The following MANBA variants were observed in gnomAD, a reference collection of about 807,000 sequenced individuals.
MANBA encodes beta-mannosidase.
A neutral mutation model predicts 111.1 loss-of-function variants in MANBA; 83 were observed. The observed-to-expected ratio is 0.75, with a 90% CI of 0.63 to 0.90. The LOEUF is 0.90. Among genes scored for constraint, MANBA ranks in the 40% least tolerant of loss-of-function variants. The probability of loss-of-function intolerance (pLI) is 0.00; values close to 1 mark genes in which losing one functional copy is unlikely to be tolerated. For missense variants in MANBA, 1,036 were observed against 1,069.0 expected, an observed-to-expected ratio of 0.97 and a Z score of 0.43; for synonymous variants, 370 against 378.7, an observed-to-expected ratio of 0.98 and a Z score of 0.27.
intron 1 of MANBA, among the ~76,000 whole-genome samples, chr4:102,747,854 C>T (rs1723643695): frequency 1.3e-5 from 2 of 152,224 alleles, no homozygotes; most frequent in South Asian, 4.1e-4. Context: ...ACAAGACAAA[C>T]TATTTGCTTG....
At chr4:102,713,896 C>CAAAAAA (rs987115592) in intron 5 of MANBA, among the ~76,000 whole-genome samples, 3 of 68,394 alleles carry the variant, frequency 4.4e-5, no homozygotes, top group Admixed American at 1.7e-4. Context: ...AACTCCATCT[C>CAAAAAA]AAAAAAAAAA....
At position 102,632,889 on chromosome 4, in the gene MANBA, C is replaced by T. The variant is rs556429387; in HGVS notation, c.2416-608G>A. ...GTTGGCTCCATTCCTCTTAAGTAGC[C>T]GAATAGCATATGCCCAGAGTGAGGA... On this transcript the variant is annotated intron_variant, in intron 16 of 16. Coordinates refer to ENST00000647097, the MANE Select transcript of MANBA (RefSeq NM_005908.4). Among the ~76,000 whole-genome samples, 4 of 152,290 alleles carry T rather than the reference C, an allele frequency of 2.6e-5. No homozygotes were observed. The South Asian group carries it at 6.2e-4, about 24-fold the overall frequency.
chr4:102,746,944 C>T (rs983167155), intron 1 of MANBA, among the ~76,000 whole-genome samples: 6 of 145,204 alleles, frequency 4.1e-5, no homozygotes, highest in Non-Finnish European at 7.4e-5. Flanking sequence ...TGCACTCCAG[C>T]GTGGGTGACA....
intron 1 of MANBA, among the ~76,000 whole-genome samples, chr4:102,734,936 A>T (rs1232824486): frequency 6.6e-6 from 1 of 152,202 alleles, no homozygotes; most frequent in Non-Finnish European, 1.5e-5. Context: ...TCCAGCCTTG[A>T]GTCACCCCCT....
At chr4:102,710,325 A>ATTT (rs1364516390) in intron 5 of MANBA, among the ~76,000 whole-genome samples, 5 of 152,216 alleles carry the variant, frequency 3.3e-5, no homozygotes, top group Non-Finnish European at 5.9e-5. Flanking sequence ...TAGGACACAA[A>ATTT]GTCAACATAC....
Position 102,700,876 on chromosome 4 carries a change from C to T in MANBA, c.674-10105G>A, listed in dbSNP as rs532771853. On this transcript the variant is annotated intron_variant, in intron 5 of 16. Coordinates refer to ENST00000647097, the MANE Select transcript of MANBA (RefSeq NM_005908.4). ...GAGTTCTGTAGATGTCTATTAGGTCCGCTTGGTGCAGAGCTGAGTTCAATT... is the reference window on the plus strand; with the variant it reads ...GAGTTCTGTAGATGTCTATTAGGTCTGCTTGGTGCAGAGCTGAGTTCAATT... Among the ~76,000 whole-genome samples, 1,296 of 152,046 alleles carry T rather than the reference C, an allele frequency of 8.5e-3. 14 individuals carry two copies. Among genetic ancestry groups the T allele is most frequent in the Non-Finnish European group, 0.014 (981 of 67,962 alleles).
Position 102,639,609 on chromosome 4 carries a change from G to T in MANBA, c.2014+104C>A, listed in dbSNP as rs141923348. ...TTAAAGAATGACTCTTTTGGTCATA[G>T]TTCTGCCTGGGCTAATCTGACCCCT... On this transcript the variant is annotated intron_variant, in intron 14 of 16. Coordinates refer to ENST00000647097, the MANE Select transcript of MANBA (RefSeq NM_005908.4). 3.6e-4 allele frequency: 524 copies of T among 1,472,754 alleles called. 2 individuals carry two copies. In the African/African-American group the frequency reaches 6.1e-3, roughly 17 times the overall value. The allele number at this position is 1,472,754 out of a possible 1,614,324, so 91.2% of individuals were successfully genotyped here. A position where few individuals can be genotyped will look rare whatever the true frequency, so the allele number is the denominator to read the frequency against.
intron 14 of MANBA, among the ~76,000 whole-genome samples, chr4:102,636,704 T>C (rs1453004137): frequency 6.6e-6 from 1 of 152,164 alleles, no homozygotes; most frequent in Admixed American, 6.5e-5. Flanking sequence ...CCGGATAACC[T>C]TTTTGTCTAA....
chr4:102,701,377 T>G (rs1456394754), intron 5 of MANBA, among the ~76,000 whole-genome samples: 2 of 152,144 alleles, frequency 1.3e-5, no homozygotes, highest in Admixed American at 6.5e-5. Context: ...TTAATATTGT[T>G]ATGTGTGAAT....
At chr4:102,720,617 G>A (rs1253712279) in intron 4 of MANBA, among the ~76,000 whole-genome samples, 2 of 151,016 alleles carry the variant, frequency 1.3e-5, no homozygotes, top group Non-Finnish European at 3.0e-5. Context: ...AAAAAAAAAA[G>A]GAAGGGGAGA....
At chr4:102,682,335 T>C (rs372521858) in intron 7 of MANBA, among the ~76,000 whole-genome samples, 1 of 152,104 alleles carries the variant, frequency 6.6e-6, no homozygotes, top group East Asian at 1.9e-4. Flanking sequence ...AGGAGAAGTA[T>C]TCTATCACTG....
chr4:102,636,600 C>T (rs544034728), intron 14 of MANBA, among the ~76,000 whole-genome samples: 20 of 152,250 alleles, frequency 1.3e-4, no homozygotes, highest in African/African-American at 4.1e-4. Context: ...CCCTACTGCA[C>T]GCACTAGAAG....
At chr4:102,753,073 G>A (rs1485332122) in intron 1 of MANBA, among the ~76,000 whole-genome samples, 1 of 152,150 alleles carries the variant, frequency 6.6e-6, no homozygotes, top group East Asian at 1.9e-4. Flanking sequence ...TTCAAGTGTA[G>A]ATTTTGAATA....
chr4:102,750,522 T>A (rs72937853), intron 1 of MANBA, among the ~76,000 whole-genome samples: 9,880 of 152,170 alleles, frequency 0.065, 679 homozygotes, highest in African/African-American at 0.17. Flanking sequence ...TCATAATGGT[T>A]CTGTGGTTAT....
intron 4 of MANBA, among the ~76,000 whole-genome samples, chr4:102,721,457 G>T (rs148507999): frequency 2.0e-5 from 3 of 152,286 alleles, no homozygotes; most frequent in East Asian, 3.9e-4. Flanking sequence ...GTCATGTAAA[G>T]ATATTTGTAC....
intron 1 of MANBA, chr4:102,729,966 T>C: frequency 9.9e-7 from 1 of 1,012,610 alleles, no homozygotes; most frequent in South Asian, 1.3e-5. Context: ...CAGGCTCTGG[T>C]TGACTGTGAT....
At position 102,711,026 on chromosome 4, in the gene MANBA, T is replaced by C. The variant is rs372860027; in HGVS notation, c.673+3412A>G. 2.6e-5 allele frequency among the ~76,000 whole-genome samples: 4 copies of C among 152,032 alleles called. No homozygotes were observed. The East Asian group carries it at 5.8e-4, about 22-fold the overall frequency. On this transcript the variant is annotated intron_variant, in intron 5 of 16. Transcript: ENST00000647097. ...ACGATAAAACTACTAGAAGAAAACA[T>C]ACGAGAAGCATTTCAAGACATCGAT...
chr4:102,639,607 T>C, intron 14 of MANBA, 106 bp downstream of exon 14: 1 of 1,453,196 alleles, frequency 6.9e-7, no homozygotes. Flanking sequence ...CTTTTGGTCA[T>C]AGTTCTGCCT....
chr4:102,686,945 C>G (rs1319082742), intron 7 of MANBA, among the ~76,000 whole-genome samples: 2 of 152,170 alleles, frequency 1.3e-5, no homozygotes, highest in African/African-American at 4.8e-5. Context: ...TAAGATCTAT[C>G]TAATGAAACA....
Sources: allele counts gnomAD v4.1 joint callset (sites outside exome capture counted in the v4.1 genomes callset), GRCh38; gene constraint gnomAD v4.1.1; transcripts MANE v1.5; gene names NCBI Gene and HGNC (gene_info 2026-07-23, HGNC 2026-07-21).